The following MYO18A variants were observed in gnomAD, a reference collection of about 807,000 sequenced individuals.
MYO18A encodes myosin XVIIIA, also known as unconventional myosin-XVIIIa.
Under a neutral mutation model 235.8 loss-of-function variants are expected in MYO18A, and 78 were observed. The observed-to-expected ratio is 0.33, with a 90% CI of 0.28 to 0.40. MYO18A has a LOEUF of 0.40. Ranked by LOEUF, MYO18A falls within the 10% of genes least tolerant of loss-of-function variation. The pLI is 1.00. For synonymous variants in MYO18A, 977 were observed against 1,077.8 expected (o/e 0.91, Z 1.83); for missense variants, 2,215 against 2,699.3 (o/e 0.82, Z 3.98).
intron 2 of MYO18A, among the ~76,000 whole-genome samples, chr17:29,150,802 T>C (rs1018716196): frequency 1.3e-5 from 2 of 152,356 alleles, no homozygotes; most frequent in South Asian, 2.1e-4. Flanking sequence ...AAAGACCCTA[T>C]AGAGGATCCT....
intron 37 of MYO18A, among the ~76,000 whole-genome samples, chr17:29,089,116 G>T (rs2066330616): frequency 6.6e-6 from 1 of 151,238 alleles, no homozygotes; most frequent in Non-Finnish European, 1.5e-5. Context: ...GGGATGGGAA[G>T]AGGGTAAGAA....
rs2065890402 is a variant in MYO18A at position 29,072,123 on chromosome 17, T to C, written c.*2647A>G. ...GGGAGTTTGTCACACTAGTCCCTAG[T>C]AGAAACAGAAAATGTACCACGCTAT... On this transcript the variant is annotated 3_prime_UTR_variant, in exon 42 of 42. Coordinates refer to ENST00000527372, the MANE Select transcript of MYO18A (RefSeq NM_078471.4). 6.7e-6 allele frequency: 1 copy of C among 149,758 alleles called. No individual in the cohort carries two copies. The highest frequency in any genetic ancestry group is 2.5e-5 in the African/African-American group (1 of 40,464). The allele number at this position is 149,758 out of a possible 1,614,324, so 9.3% of individuals were successfully genotyped here. A position where few individuals can be genotyped will look rare whatever the true frequency, so the allele number is the denominator to read the frequency against.
intron 1 of MYO18A, among the ~76,000 whole-genome samples, chr17:29,168,279 C>T (rs987237493): frequency 6.6e-6 from 1 of 152,092 alleles, no homozygotes; most frequent in African/African-American, 2.4e-5. Flanking sequence ...ACTGTGGTAG[C>T]CTGAAAGAAA....
rs1240465464 is a variant in MYO18A, at chr17:29,106,690, T to A, written c.3441+390A>T. ...CCACGGAGGTCTCACCATATCCACC[T>A]TCCTTCTAGGAGGAATGTTCGCCCA... On this transcript the variant is annotated intron_variant, in intron 20 of 41. Transcript: ENST00000527372. The surrounding 1 kb of genome is among the most constrained non-coding windows in gnomAD (Gnocchi z 4.6). Among the ~76,000 whole-genome samples, 1 of 152,196 alleles carries A rather than the reference T, an allele frequency of 6.6e-6. No individual in the cohort carries two copies. The highest frequency in any genetic ancestry group is 2.4e-5 in the African/African-American group (1 of 41,450).
At chr17:29,171,707 C>T (rs2068408322) in intron 1 of MYO18A, among the ~76,000 whole-genome samples, 1 of 151,806 alleles carries the variant, frequency 6.6e-6, no homozygotes, top group African/African-American at 2.4e-5. Context: ...CAAGCCTGGG[C>T]AACATGGCAA....
intron 2 of MYO18A, among the ~76,000 whole-genome samples, chr17:29,162,200 C>T (rs1176317539): frequency 1.3e-5 from 2 of 152,228 alleles, no homozygotes; most frequent in Admixed American, 6.5e-5. Flanking sequence ...AACTTTGCTA[C>T]ACCCTAGAGC....
intron 2 of MYO18A, among the ~76,000 whole-genome samples, chr17:29,156,419 A>G (rs889388740): frequency 1.3e-5 from 2 of 152,170 alleles, no homozygotes; most frequent in African/African-American, 4.8e-5. Flanking sequence ...CTGCTCCTGG[A>G]TGCCCACAGA....
At position 29,090,177 on chromosome 17, in the gene MYO18A, CCA is replaced by C. The variant is rs1370165833; in HGVS notation, c.5389-81_5389-80del. The stretch of plus-strand genomic sequence containing the variant: ...ACTGCGTCTGGGGCAGGCAATATCA[CCA>C]CAGTGACCAGAAGGCAAGGGGAGGG... On this transcript the variant is annotated intron_variant, in intron 36 of 41. Coordinates refer to ENST00000527372, the MANE Select transcript of MYO18A (RefSeq NM_078471.4). 12 of 1,485,040 alleles carry C rather than the reference CCA, an allele frequency of 8.1e-6. No homozygotes were observed. In the East Asian group the frequency reaches 2.7e-4, roughly 33 times the overall value. The allele number at this position is 1,485,040 out of a possible 1,614,324, so 92.0% of individuals were successfully genotyped here. A position where few individuals can be genotyped will look rare whatever the true frequency, so the allele number is the denominator to read the frequency against.
In MYO18A at chr17:29,082,343, G is replaced by C; in HGVS notation, c.5993C>G (p.Ser1998Cys). 6.2e-7 allele frequency: 1 copy of C among 1,613,982 alleles called. No individual in the cohort carries two copies. The highest frequency in any genetic ancestry group is 8.5e-7 in the Non-Finnish European group (1 of 1,179,880). Residue 1998 changes from serine (S) to cysteine (C), a missense_variant, in exon 41 of 42, where the codon TCT (serine) becomes TGT (cysteine). Transcript: ENST00000527372. ...GGAACTCTTTAAGCTGCCATCATCA[G>C]AAGCTGCCTTGGAAGGTCCCTTGTT... Reference protein sequence around the residue: ...SKNKGPSKAASDDGSLKSSSP... With the variant: ...SKNKGPSKAACDDGSLKSSSP...
chr17:29,100,416 T>G (rs964556677), intron 21 of MYO18A, among the ~76,000 whole-genome samples: 4 of 152,244 alleles, frequency 2.6e-5, no homozygotes, highest in Non-Finnish European at 1.5e-5. Flanking sequence ...AAGTTTCACC[T>G]TCTCATGAAG....
chr17:29,166,659 C>T lies in MYO18A; in HGVS notation c.282G>A (p.Ser94=). The T allele has an allele frequency of 1.2e-6, 2 of 1,613,664 alleles. No homozygotes were observed. Among genetic ancestry groups the T allele is most frequent in the Non-Finnish European group, 1.7e-6 (2 of 1,179,792 alleles). ...TGGAGCTGGCTGTACTTAGGTGGCC[C>T]GAGTCCAGGATGACGCTGCCCCGGT... ...DSNRGSVILD[S]GHLSTASSSD... is the part of the protein sequence containing the mutation. Residue 94 remains serine, a synonymous_variant, in exon 2 of 42, where the codon TCG becomes TCA. Coordinates refer to ENST00000527372, the MANE Select transcript of MYO18A (RefSeq NM_078471.4).
chr17:29,128,216 T>C, intron 2 of MYO18A: 8 of 1,155,790 alleles, frequency 6.9e-6, no homozygotes, highest in Non-Finnish European at 8.6e-6. Context: ...GGGTGGCGGC[T>C]TGGGACTAGA....
chr17:29,167,127 T>G, intron 1 of MYO18A, 106 bp from the exon 2 acceptor site: 1 of 761,576 alleles, frequency 1.3e-6, no homozygotes, highest in Non-Finnish European at 2.0e-6. Flanking sequence ...GGGTGCTAGC[T>G]ATGTGCCAGG....
intron 38 of MYO18A, 128 bp from the exon 39 acceptor site, chr17:29,086,705 C>T (rs2066261825): frequency 1.2e-5 from 16 of 1,319,532 alleles, no homozygotes; most frequent in Non-Finnish European, 1.6e-5. Context: ...GCTGCCAGAG[C>T]CTTTTCCGCT....
intron 31 of MYO18A, 46 bp downstream of exon 31, chr17:29,093,933 TG>T (rs1322995115): frequency 1.4e-6 from 2 of 1,383,004 alleles, no homozygotes; most frequent in African/African-American, 2.9e-5. Context: ...AAAGCGGTGA[TG>T]GGAACAGGTG....
chr17:29,148,588 G>A (rs1327372124), intron 2 of MYO18A, among the ~76,000 whole-genome samples: 1 of 126,224 alleles, frequency 7.9e-6, no homozygotes, highest in Non-Finnish European at 1.6e-5. Flanking sequence ...TCTTTTGTGT[G>A]TGTGTGTGTG....
At chr17:29,093,846 CGA>C (rs2066458332) in intron 31 of MYO18A, 132 bp downstream of exon 31, 1 of 668,116 alleles carries the variant, frequency 1.5e-6, no homozygotes, top group Non-Finnish European at 2.6e-6. Context: ...GCTAGGATCC[CGA>C]GAGGCGCTTC....
At chr17:29,083,087 C>T (rs527894949) in intron 40 of MYO18A, among the ~76,000 whole-genome samples, 2 of 106,012 alleles carry the variant, frequency 1.9e-5, no homozygotes, top group South Asian at 5.9e-4. Flanking sequence ...GGGCGGGGGG[C>T]GGGGGGCATC....
At chr17:29,086,213 G>A (rs8074910) in intron 39 of MYO18A, among the ~76,000 whole-genome samples, 1 of 151,992 alleles carries the variant, frequency 6.6e-6, no homozygotes, top group Non-Finnish European at 1.5e-5. Flanking sequence ...GGGCCTGGTC[G>A]TGGAGAGGGG....
Sources: gnomAD v4.1 joint callset for allele counts (sites outside exome capture counted in the v4.1 genomes callset) on GRCh38, gnomAD v4.1.1 for gene constraint, Gnocchi (gnomAD v3.1) non-coding constraint, MANE v1.5 for transcripts, NCBI Gene and HGNC (gene_info 2026-07-23, HGNC 2026-07-21) for gene names.